Variants in GRHL2 observed in about 807,000 individuals in gnomAD.
GRHL2 encodes grainyhead-like protein 2 homolog.
A neutral mutation model predicts 83.8 loss-of-function variants in GRHL2; 21 were observed. The observed-to-expected ratio is 0.25, with a 90% CI of 0.18 to 0.36. The LOEUF (loss-of-function observed/expected upper bound fraction) is 0.36, where lower values mean the gene tolerates loss of function less well. Among genes scored for constraint, GRHL2 ranks in the 10% least tolerant of loss-of-function variants. The pLI, the probability that GRHL2 is intolerant of heterozygous loss-of-function variation, is 1.00. For missense variants in GRHL2, 623 were observed against 781.8 expected (o/e 0.80, Z 2.42); for synonymous variants, 280 against 278.9 (o/e 1.00, Z -0.04).
intron 7 of GRHL2, among the ~76,000 whole-genome samples, chr8:101,581,262 C>T (rs1010575993): frequency 1.3e-5 from 2 of 152,100 alleles, no homozygotes; most frequent in Non-Finnish European, 2.9e-5. Flanking sequence ...TACATTGGGT[C>T]GTAAACTGTT....
At chr8:101,676,971 A>G in the GRHL2 span, among the ~76,000 whole-genome samples, 2 of 152,060 alleles carry the variant, frequency 1.3e-5, no homozygotes, top group African/African-American at 4.8e-5. Context: ...ACAAAAAAAC[A>G]AACACCACAT....
intron 1 of GRHL2, among the ~76,000 whole-genome samples, chr8:101,494,094 G>A (rs1472856819): frequency 6.6e-6 from 1 of 152,166 alleles, no homozygotes; most frequent in East Asian, 1.9e-4. Flanking sequence ...CTTTGCCGTG[G>A]CGTTGCGGCC....
chr8:101,531,153 A>C (rs1201291134), intron 1 of GRHL2, among the ~76,000 whole-genome samples: 1 of 151,076 alleles, frequency 6.6e-6, no homozygotes, highest in East Asian at 1.9e-4. Flanking sequence ...TTCAGGTTGC[A>C]GTGAGCCATG....
At chr8:101,606,781 T>C (rs907590455) in intron 8 of GRHL2, among the ~76,000 whole-genome samples, 1 of 152,200 alleles carries the variant, frequency 6.6e-6, no homozygotes, top group Non-Finnish European at 1.5e-5. Context: ...TCTCTCAGTG[T>C]TGTCTTTTCA....
intron 1 of GRHL2, among the ~76,000 whole-genome samples, chr8:101,541,412 AGATTGT>A (rs1397625732): frequency 4.3e-4 from 65 of 152,130 alleles, no homozygotes; most frequent in Non-Finnish European, 6.6e-4. Context: ...TTTTCCATAG[AGATTGT>A]ACTAATATAC....
At chr8:101,575,959 C>T (rs1462795008) in intron 6 of GRHL2, among the ~76,000 whole-genome samples, 2 of 152,172 alleles carry the variant, frequency 1.3e-5, no homozygotes, top group Non-Finnish European at 2.9e-5. Context: ...AACAGTTTTC[C>T]TAACAAACAT....
chr8:101,671,158 G>A (rs543627912), downstream of GRHL2, among the ~76,000 whole-genome samples: 2 of 152,304 alleles, frequency 1.3e-5, no homozygotes, highest in South Asian at 2.1e-4. Context: ...ACTAGGGAGT[G>A]CCAGACAGTG....
intron 1 of GRHL2, among the ~76,000 whole-genome samples, chr8:101,522,306 T>C (rs903976286): frequency 3.9e-5 from 6 of 152,198 alleles, no homozygotes; most frequent in Non-Finnish European, 8.8e-5. Context: ...ATAAAAATAA[T>C]ACAAATGAAA....
intron 1 of GRHL2, chr8:101,528,860 G>A (rs1810861357): frequency 1.7e-5 from 6 of 347,382 alleles, no homozygotes; most frequent in Admixed American, 3.5e-5. Context: ...AGCTTATCCA[G>A]GTTCATGATA....
chr8:101,603,173 C>T (rs1300490100), intron 8 of GRHL2, among the ~76,000 whole-genome samples: 5 of 151,390 alleles, frequency 3.3e-5, no homozygotes, highest in African/African-American at 1.2e-4. Context: ...TTTTTTGCAC[C>T]AAGTTTTATA....
intron 14 of GRHL2, among the ~76,000 whole-genome samples, chr8:101,654,944 AG>A (rs1331990726): frequency 6.6e-6 from 1 of 152,132 alleles, no homozygotes; most frequent in Non-Finnish European, 1.5e-5. Flanking sequence ...ACACTTTGGG[AG>A]GTTGAGGCGG....
intron 1 of GRHL2, among the ~76,000 whole-genome samples, chr8:101,523,870 T>C (rs1156837103): frequency 6.6e-6 from 1 of 152,164 alleles, no homozygotes; most frequent in Non-Finnish European, 1.5e-5. Context: ...CTCCAAAAGT[T>C]ACTTGTTTTG....
chr8:101,625,547 A>G (rs1014112814), intron 9 of GRHL2, among the ~76,000 whole-genome samples: 1 of 152,022 alleles, frequency 6.6e-6, no homozygotes, highest in Non-Finnish European at 1.5e-5. Context: ...AGGGCGAAAA[A>G]GAGGATTATA....
intron 7 of GRHL2, among the ~76,000 whole-genome samples, chr8:101,580,149 C>T (rs1288237986): frequency 6.6e-6 from 1 of 152,012 alleles, no homozygotes; most frequent in African/African-American, 2.4e-5. Flanking sequence ...GGCCCCTTAG[C>T]TAAAGCAAGG....
At chr8:101,678,568 G>C in the GRHL2 span, among the ~76,000 whole-genome samples, 1 of 151,932 alleles carries the variant, frequency 6.6e-6, no homozygotes, top group Non-Finnish European at 1.5e-5. Context: ...CTCGAACTGG[G>C]TGGAGCCCAC....
intron 2 of GRHL2, among the ~76,000 whole-genome samples, chr8:101,551,047 T>A (rs995904302): frequency 2.6e-5 from 4 of 152,170 alleles, no homozygotes; most frequent in Non-Finnish European, 4.4e-5. Context: ...CTGGCTACTG[T>A]GAATAGTGCT....
intron 14 of GRHL2, among the ~76,000 whole-genome samples, chr8:101,663,579 T>G (rs1419830888): frequency 6.6e-6 from 1 of 151,906 alleles, no homozygotes; most frequent in East Asian, 1.9e-4. Context: ...GCCACTGCAC[T>G]CCAGCCTGGG....
chr8:101,672,324 G>A (rs771702144), downstream of GRHL2, among the ~76,000 whole-genome samples: 1 of 151,564 alleles, frequency 6.6e-6, no homozygotes, highest in Non-Finnish European at 1.5e-5. Context: ...TAGACGAATG[G>A]ATAACTAGAA....
At chr8:101,543,462 C>T in intron 2 of GRHL2, 26 bp downstream of exon 2, 1 of 1,604,038 alleles carries the variant, frequency 6.2e-7, no homozygotes, top group Non-Finnish European at 8.5e-7. Context: ...CCACTTTTCT[C>T]TTCTTCCTGC....
Sources: allele counts gnomAD v4.1 joint callset (sites outside exome capture counted in the v4.1 genomes callset), GRCh38; gene constraint gnomAD v4.1.1; transcripts MANE v1.5; gene names NCBI Gene and HGNC (gene_info 2026-07-23, HGNC 2026-07-21).